CACNA2D1: variants seen among roughly 807,000 people sequenced by gnomAD.
CACNA2D1 encodes the protein calcium voltage-gated channel auxiliary subunit alpha2delta 1.
Under a neutral mutation model 171.5 loss-of-function variants are expected in CACNA2D1, and 53 were observed. The ratio of observed to expected loss-of-function variants is 0.31; its 90% confidence interval spans 0.25 to 0.39. The LOEUF (loss-of-function observed/expected upper bound fraction) is 0.39. CACNA2D1 is among the 10% of genes least tolerant of loss of function. The pLI, the probability that CACNA2D1 is intolerant of heterozygous loss-of-function variation, is 1.00. For missense variants in CACNA2D1, 903 were observed against 1,299.8 expected (o/e 0.69, Z 4.69); for synonymous variants, 442 against 443.1 (o/e 1.00, Z 0.03).
intron 10 of CACNA2D1, among the ~76,000 whole-genome samples, chr7:82,041,155 T>C (rs1191028520): frequency 1.3e-5 from 2 of 151,934 alleles, no homozygotes; most frequent in Non-Finnish European, 2.9e-5. Flanking sequence ...CAGGGTGGCA[T>C]CTGTAGGGTA....
At chr7:82,249,170 T>G (rs1805330086) in intron 3 of CACNA2D1, among the ~76,000 whole-genome samples, 1 of 151,232 alleles carries the variant, frequency 6.6e-6, no homozygotes, top group African/African-American at 2.4e-5. Context: ...TCCCAAGGTG[T>G]CATGGGAGCA....
chr7:82,237,410 T>C (rs1474310973), intron 3 of CACNA2D1, among the ~76,000 whole-genome samples: 2 of 151,918 alleles, frequency 1.3e-5, no homozygotes, highest in African/African-American at 2.4e-5. Context: ...CACACAGATA[T>C]ATACTTATAT....
chr7:81,957,802 T>C (rs1284066938), intron 38 of CACNA2D1, among the ~76,000 whole-genome samples: 1 of 152,162 alleles, frequency 6.6e-6, no homozygotes, highest in Admixed American at 6.6e-5. Context: ...CTTCAATTGC[T>C]GAACATTTTT....
intron 3 of CACNA2D1, among the ~76,000 whole-genome samples, chr7:82,288,031 G>A (rs1181563908): frequency 6.7e-6 from 1 of 149,390 alleles, no homozygotes; most frequent in Non-Finnish European, 1.5e-5. Flanking sequence ...TAGTAGAGAT[G>A]GGGTTTCACT....
intron 18 of CACNA2D1, among the ~76,000 whole-genome samples, chr7:82,000,326 A>G (rs1332950281): frequency 2.6e-5 from 4 of 152,146 alleles, no homozygotes; most frequent in Non-Finnish European, 5.9e-5. Flanking sequence ...TCACTGCCAA[A>G]TTAAATCAGA....
intron 3 of CACNA2D1, among the ~76,000 whole-genome samples, chr7:82,203,205 A>G (rs1316808659): frequency 2.0e-5 from 3 of 152,064 alleles, no homozygotes; most frequent in Non-Finnish European, 4.4e-5. Flanking sequence ...TACCCCACCA[A>G]CATACAGAGA....
intron 3 of CACNA2D1, among the ~76,000 whole-genome samples, chr7:82,200,080 T>C (rs753471281): frequency 6.6e-6 from 1 of 152,092 alleles, no homozygotes; most frequent in Non-Finnish European, 1.5e-5. Flanking sequence ...AGATAAACTA[T>C]AATTTTTCCC....
intron 3 of CACNA2D1, among the ~76,000 whole-genome samples, chr7:82,176,333 C>T (rs1006444346): frequency 4.6e-5 from 7 of 151,816 alleles, no homozygotes; most frequent in African/African-American, 1.7e-4. Context: ...TAATGGGAAA[C>T]AATGCAGCTG....
intron 1 of CACNA2D1, among the ~76,000 whole-genome samples, chr7:82,387,411 GAGA>G (rs1381058346): frequency 1.3e-5 from 2 of 152,138 alleles, no homozygotes; most frequent in African/African-American, 4.8e-5. Flanking sequence ...TACTGGATCA[GAGA>G]AGATCACATA....
At chr7:82,381,239 G>A (rs1319126097) in intron 1 of CACNA2D1, among the ~76,000 whole-genome samples, 4 of 151,166 alleles carry the variant, frequency 2.6e-5, no homozygotes, top group South Asian at 4.2e-4. Context: ...GCGTGAACCC[G>A]GCAGGCGGAG....
At chr7:82,135,274 G>C (rs1791473006) in intron 5 of CACNA2D1, among the ~76,000 whole-genome samples, 2 of 151,898 alleles carry the variant, frequency 1.3e-5, no homozygotes, top group African/African-American at 2.4e-5. Flanking sequence ...TTTTAAATAA[G>C]TTTAAAAATA....
chr7:82,033,601 T>A (rs936402704), intron 11 of CACNA2D1, among the ~76,000 whole-genome samples: 2 of 152,066 alleles, frequency 1.3e-5, no homozygotes, highest in Non-Finnish European at 1.5e-5. Context: ...TTTGTTCCTT[T>A]GTAAATGCTG....
intron 5 of CACNA2D1, among the ~76,000 whole-genome samples, chr7:82,131,230 C>A (rs1005597825): frequency 7.2e-5 from 11 of 152,166 alleles, no homozygotes; most frequent in Non-Finnish European, 8.8e-5. Context: ...TAACTAATAA[C>A]TGAGTCTCAG....
rs113255188 is a variant in CACNA2D1, at chr7:82,239,952, T to C, written c.295-69343A>G. On this transcript the variant is annotated intron_variant, in intron 3 of 38. Transcript: ENST00000356860. Reference sequence around the variant, plus strand: ...ATAAGAGTGCTCTTTCCATGGTCTATGGTAAAAAGATTAGGACATTAAGTA... The same window carrying C: ...ATAAGAGTGCTCTTTCCATGGTCTACGGTAAAAAGATTAGGACATTAAGTA... 3.9e-3 allele frequency among the ~76,000 whole-genome samples: 594 copies of C among 152,304 alleles called. 1 individual carries two copies. The highest frequency in any genetic ancestry group is 6.7e-3 in the Admixed American group (103 of 15,288).
chr7:82,049,903 A>G (rs1454369031), intron 10 of CACNA2D1, among the ~76,000 whole-genome samples: 1 of 152,216 alleles, frequency 6.6e-6, no homozygotes, highest in African/African-American at 2.4e-5. Context: ...GACATGGCAA[A>G]TATCTTTTAT....
At chr7:82,271,977 T>A (rs1317652591) in intron 3 of CACNA2D1, among the ~76,000 whole-genome samples, 1 of 152,068 alleles carries the variant, frequency 6.6e-6, no homozygotes, top group Non-Finnish European at 1.5e-5. Flanking sequence ...TTTATAATCC[T>A]AGACAGTAGA....
intron 10 of CACNA2D1, chr7:82,051,095 G>T: frequency 6.2e-6 from 1 of 160,634 alleles, no homozygotes; most frequent in Non-Finnish European, 1.4e-5. Flanking sequence ...AACATATATT[G>T]GCTCCTTGAA....
chr7:81,997,391 A>C (rs543381465), intron 18 of CACNA2D1, 141 bp from the exon 19 acceptor site: 2 of 442,076 alleles, frequency 4.5e-6, no homozygotes, highest in South Asian at 3.0e-5. Flanking sequence ...TCTTTCATAT[A>C]TATTTTATAT....
chr7:82,404,472 T>C (rs79214932), intron 1 of CACNA2D1, among the ~76,000 whole-genome samples: 1,542 of 152,310 alleles, frequency 0.01, 31 homozygotes, highest in African/African-American at 0.035. Context: ...AATCCTTAAA[T>C]GAGTTTAGGT....
Sources: allele counts gnomAD v4.1 joint callset (sites outside exome capture counted in the v4.1 genomes callset), GRCh38; gene constraint gnomAD v4.1.1; transcripts MANE v1.5; gene names NCBI Gene and HGNC (gene_info 2026-07-23, HGNC 2026-07-21).